The following CECR2 variants were observed in gnomAD, a reference collection of about 807,000 sequenced individuals.
CECR2 encodes CECR2 histone acetyl-lysine reader.
A neutral mutation model predicts 154.5 loss-of-function variants in CECR2; 30 were observed. That is an observed-to-expected ratio of 0.19 (90% CI 0.15 to 0.26). CECR2 has a LOEUF of 0.26. Ranked by LOEUF, CECR2 falls within the 10% of genes least tolerant of loss-of-function variation. The pLI is 1.00. For missense variants in CECR2, 1,743 were observed against 1,829.3 expected (o/e 0.95, Z 0.86); for synonymous variants, 725 against 683.7 (o/e 1.06, Z -0.94).
At chr22:17,365,838 C>G (rs888308872), upstream of CECR2, among the ~76,000 whole-genome samples, 1 of 148,812 alleles carries the variant, frequency 6.7e-6, no homozygotes, top group Non-Finnish European at 1.5e-5. Flanking sequence ...GCAGCCTGGA[C>G]AACAAAGGGA....
intron 16 of CECR2, among the ~76,000 whole-genome samples, chr22:17,545,768 G>A (rs1165614647): frequency 2.0e-5 from 3 of 151,274 alleles, no homozygotes; most frequent in Non-Finnish European, 2.9e-5. Flanking sequence ...GCTTGAACCC[G>A]GGAGGCTGAG....
At chr22:17,469,492 T>C (rs1281556712) in intron 1 of CECR2, among the ~76,000 whole-genome samples, 1 of 152,178 alleles carries the variant, frequency 6.6e-6, no homozygotes, top group Non-Finnish European at 1.5e-5. Flanking sequence ...GTCATCACTG[T>C]CTCTCCCCAA....
intron 1 of CECR2, among the ~76,000 whole-genome samples, chr22:17,381,221 G>GTA (rs2063184814): frequency 6.6e-6 from 1 of 152,198 alleles, no homozygotes; most frequent in Non-Finnish European, 1.5e-5. Context: ...CCACACGAAT[G>GTA]TACTGATGCT....
intron 1 of CECR2, among the ~76,000 whole-genome samples, chr22:17,423,303 C>T (rs1012979178): frequency 2.6e-5 from 4 of 152,028 alleles, no homozygotes; most frequent in Non-Finnish European, 5.9e-5. Context: ...GTGTTCCCTT[C>T]CCCTGCGTCA....
intron 1 of CECR2, among the ~76,000 whole-genome samples, chr22:17,372,410 A>G (rs1750254273): frequency 6.6e-6 from 1 of 152,206 alleles, no homozygotes; most frequent in African/African-American, 2.4e-5. Context: ...TCACCCCTGT[A>G]ATCCCAGCAC....
intron 1 of CECR2, among the ~76,000 whole-genome samples, chr22:17,473,581 A>G (rs2097596): frequency 6.6e-6 from 1 of 152,186 alleles, no homozygotes; most frequent in Non-Finnish European, 1.5e-5. Flanking sequence ...GACACTTCGC[A>G]GTTTTTCCAC....
intron 1 of CECR2, among the ~76,000 whole-genome samples, chr22:17,362,391 G>A (rs1285538965): frequency 6.6e-6 from 1 of 152,026 alleles, no homozygotes; most frequent in Non-Finnish European, 1.5e-5. Context: ...GATTATTTAG[G>A]TTACTATAGA....
At position 17,518,773 on chromosome 22, in the gene CECR2, A is replaced by G. The variant is rs190681096; in HGVS notation, c.955-5345A>G. On this transcript the variant is annotated intron_variant, in intron 8 of 18. Transcript: ENST00000262608. ...TCTGCCTTCACATTTGTCACAAATC[A>G]TATTCTTTTGCAGAGCCAGTTTTCT... 764 of 359,932 alleles carry G rather than the reference A, an allele frequency of 2.1e-3. 1 individual carries two copies. The highest frequency in any genetic ancestry group is 0.015 in the African/African-American group (681 of 46,026). The allele number at this position is 359,932 out of a possible 1,614,324, so 22.3% of individuals were successfully genotyped here. A position where few individuals can be genotyped will look rare whatever the true frequency, so the allele number is the denominator to read the frequency against.
intron 1 of CECR2, among the ~76,000 whole-genome samples, chr22:17,462,126 C>T (rs1382274620): frequency 6.6e-6 from 1 of 151,188 alleles, no homozygotes; most frequent in African/African-American, 2.4e-5. Flanking sequence ...AGATCTTGAC[C>T]GGGCGCGGTG....
At position 17,509,386 on chromosome 22, in the gene CECR2, A is replaced by G. The variant is rs141362230; in HGVS notation, c.871-2427A>G. 4.9e-3 allele frequency among the ~76,000 whole-genome samples: 745 copies of G among 151,806 alleles called. 2 individuals carry two copies. Among genetic ancestry groups the G allele is most frequent in the Non-Finnish European group, 7.9e-3 (537 of 67,928 alleles). ...GACACTCCCCTGTCCTGTCCCTTGG[A>G]TAAGTTTCTTGATACCATTCCATTT... On this transcript the variant is annotated intron_variant, in intron 7 of 18. Coordinates refer to ENST00000262608, the MANE Select transcript of CECR2 (RefSeq NM_001290047.2).
intron 1 of CECR2, among the ~76,000 whole-genome samples, chr22:17,392,648 C>T (rs1423853005): frequency 6.6e-6 from 1 of 151,840 alleles, no homozygotes; most frequent in Non-Finnish European, 1.5e-5. Flanking sequence ...TACCACTGCA[C>T]TCCAGCCTGA....
intron 1 of CECR2, among the ~76,000 whole-genome samples, chr22:17,425,146 ATTTG>A (rs2054311711): frequency 6.6e-6 from 1 of 151,770 alleles, no homozygotes; most frequent in Admixed American, 6.6e-5. Context: ...TGTTTAGTAA[ATTTG>A]TTTGGAAAGA....
chr22:17,428,950 G>A (rs562293823), intron 1 of CECR2, among the ~76,000 whole-genome samples: 1 of 152,110 alleles, frequency 6.6e-6, no homozygotes, highest in South Asian at 2.1e-4. Context: ...GTGGAGCTTG[G>A]TTGATGATGG....
intron 1 of CECR2, among the ~76,000 whole-genome samples, chr22:17,446,457 C>G (rs1272570880): frequency 6.6e-6 from 1 of 152,158 alleles, no homozygotes; most frequent in African/African-American, 2.4e-5. Flanking sequence ...GTGGCTCTTG[C>G]CTGTAATCCC....
intron 3 of CECR2, among the ~76,000 whole-genome samples, chr22:17,497,847 A>G (rs796448714): frequency 5.9e-5 from 9 of 152,264 alleles, no homozygotes; most frequent in African/African-American, 2.2e-4. Context: ...ACTGAGTCCT[A>G]TCTGCAATAG....
At chr22:17,450,572 T>C (rs957840923) in intron 1 of CECR2, among the ~76,000 whole-genome samples, 1 of 152,244 alleles carries the variant, frequency 6.6e-6, no homozygotes, top group Non-Finnish European at 1.5e-5. Context: ...ACTTAAAACA[T>C]TGAAACAGTA....
intron 1 of CECR2, among the ~76,000 whole-genome samples, chr22:17,414,353 T>C (rs2054122020): frequency 6.6e-6 from 1 of 152,188 alleles, no homozygotes; most frequent in Non-Finnish European, 1.5e-5. Context: ...TTGCAGGTAC[T>C]TTATTACTGA....
In CECR2 at chr22:17,541,701, C is replaced by T. The variant is rs374803666; in HGVS notation, c.1885-138C>T. On this transcript the variant is annotated intron_variant, in intron 14 of 18. Coordinates refer to ENST00000262608, the MANE Select transcript of CECR2 (RefSeq NM_001290047.2). The stretch of plus-strand genomic sequence containing the variant: ...TGATGCGGGTGAGCACGTGTGTTCA[C>T]AGTCTCCCTGTCTCCAGCCGAGGTT... The T allele has an allele frequency of 3.9e-5, 40 of 1,024,130 alleles. No homozygotes were observed. In the African/African-American group the frequency reaches 6.2e-4, roughly 16 times the overall value. 63.4% of individuals were successfully genotyped at this position (1,024,130 alleles called of 1,614,324 possible). A position where few individuals can be genotyped will look rare whatever the true frequency, so the allele number is the denominator to read the frequency against.
At chr22:17,503,906 G>A (rs574742911) in intron 6 of CECR2, among the ~76,000 whole-genome samples, 32 of 151,978 alleles carry the variant, frequency 2.1e-4, no homozygotes, top group Middle Eastern at 3.4e-3. Flanking sequence ...AATTACCTGG[G>A]CGTGGTGGCA....
Sources: allele counts gnomAD v4.1 joint callset (sites outside exome capture counted in the v4.1 genomes callset), GRCh38; gene constraint gnomAD v4.1.1; transcripts MANE v1.5; gene names NCBI Gene and HGNC (gene_info 2026-07-23, HGNC 2026-07-21).